Variants in RAB4A observed in about 807,000 individuals in gnomAD.
RAB4A encodes ras-related protein Rab-4A.
RAB4A carries 20 observed loss-of-function variants against 34.5 expected under a neutral mutation model. The ratio of observed to expected loss-of-function variants is 0.58; its 90% CI spans 0.41 to 0.84. The LOEUF (loss-of-function observed/expected upper bound fraction) is 0.84. Among genes scored for constraint, RAB4A ranks in the 40% least tolerant of loss-of-function variants. The pLI is 0.00. For synonymous variants in RAB4A, 102 were observed against 100.0 expected, an observed-to-expected ratio of 1.02 and a Z score of -0.12; for missense variants, 228 against 274.5, an observed-to-expected ratio of 0.83 and a Z score of 1.20.
At chr1:229,273,450 G>A (rs921345429) in intron 1 of RAB4A, among the ~76,000 whole-genome samples, 2 of 152,150 alleles carry the variant, frequency 1.3e-5, no homozygotes, top group African/African-American at 4.8e-5. Context: ...CTAATAAATA[G>A]AAAATGAGGC....
In RAB4A at chr1:229,295,776, T is replaced by C. The variant is rs1222264827; in HGVS notation, c.228-72T>C. 87 of 1,498,272 alleles carry C rather than the reference T, an allele frequency of 5.8e-5. 4 individuals carry two copies. The South Asian group carries it at 9.3e-4, about 16-fold the overall frequency. The allele number at this position is 1,498,272 out of a possible 1,614,324, so 92.8% of individuals were successfully genotyped here. A position where few individuals can be genotyped will look rare whatever the true frequency, so the allele number is the denominator to read the frequency against. ...TGGTTTACAAAGCAAGCATGGGTGT[T>C]TTTTCATGGGAAAGTGGGATACAGT... is the stretch of plus-strand genomic sequence containing the variant. On this transcript the variant is annotated intron_variant, in intron 3 of 7. Coordinates refer to ENST00000366690, the MANE Select transcript of RAB4A (RefSeq NM_004578.4).
Position 229,297,646 on chromosome 1 carries a change from CT to C in RAB4A, c.445+14del. 1.3e-6 allele frequency: 2 copies of C among 1,559,058 alleles called. No homozygotes were observed. Among genetic ancestry groups the C allele is most frequent in the Non-Finnish European group, 1.7e-6 (2 of 1,156,308 alleles). On this transcript the variant is annotated intron_variant, in intron 5 of 7. Coordinates refer to ENST00000366690, the MANE Select transcript of RAB4A (RefSeq NM_004578.4). Reference sequence around the variant, plus strand: ...TTTGCTCAAGAAAATGGCAAGTGACCTTTTACTTCTTACTATTTTTCAAATC... The same window carrying C: ...TTTGCTCAAGAAAATGGCAAGTGACCTTTACTTCTTACTATTTTTCAAATC...
At chr1:229,279,394 C>T (rs1202966419) in intron 1 of RAB4A, among the ~76,000 whole-genome samples, 2 of 152,218 alleles carry the variant, frequency 1.3e-5, no homozygotes, top group African/African-American at 4.8e-5. Context: ...ATTACGGCCA[C>T]TTTCTAGCTC....
At chr1:229,303,556 T>C (rs1398632324) in intron 7 of RAB4A, among the ~76,000 whole-genome samples, 1 of 152,182 alleles carries the variant, frequency 6.6e-6, no homozygotes, top group Non-Finnish European at 1.5e-5. Context: ...GAGGTCTAAA[T>C]GAATGTGCCT....
At chr1:229,291,048 A>C (rs1657056395) in intron 3 of RAB4A, among the ~76,000 whole-genome samples, 1 of 152,216 alleles carries the variant, frequency 6.6e-6, no homozygotes, top group Admixed American at 6.5e-5. Context: ...CCAAGAGGGA[A>C]AAAGCAGCCA....
Position 229,271,380 on chromosome 1 carries a change from C to T in RAB4A, c.31+10C>T, listed in dbSNP as rs551641598. On this transcript the variant is annotated intron_variant, in intron 1 of 7. Transcript: ENST00000366690. ...ATGTCCGAAACCTACGGTACGAGGC[C>T]CGGGCTGGCGGGGCGCGCGGGTCGG... is the stretch of plus-strand genomic sequence containing the variant. The T allele has an allele frequency of 7.9e-5, 97 of 1,233,904 alleles. No individual in the cohort carries two copies. In the African/African-American group the frequency reaches 1.4e-3, roughly 17 times the overall value. The allele number at this position is 1,233,904 out of a possible 1,614,324, so 76.4% of individuals were successfully genotyped here.
intron 6 of RAB4A, 61 bp from the exon 7 acceptor site, chr1:229,302,801 T>G: frequency 1.7e-6 from 2 of 1,186,994 alleles, no homozygotes; most frequent in Non-Finnish European, 2.4e-6. Flanking sequence ...TTTTTTAATC[T>G]ATTTTTGGAA....
At chr1:229,298,542 G>C (rs905119910) in intron 5 of RAB4A, among the ~76,000 whole-genome samples, 14 of 152,174 alleles carry the variant, frequency 9.2e-5, no homozygotes, top group Non-Finnish European at 4.4e-5. Flanking sequence ...TCTCTTCATG[G>C]GCTGTATGAC....
At chr1:229,296,620 G>A (rs1220857256) in intron 4 of RAB4A, among the ~76,000 whole-genome samples, 1 of 152,196 alleles carries the variant, frequency 6.6e-6, no homozygotes, top group Admixed American at 6.5e-5. Context: ...GCTGATCTCA[G>A]TAGCACTGTC....
chr1:229,278,626 T>C (rs545152445), intron 1 of RAB4A, among the ~76,000 whole-genome samples: 19 of 152,306 alleles, frequency 1.2e-4, no homozygotes, highest in Non-Finnish European at 2.6e-4. Flanking sequence ...TCTCTAAAGC[T>C]TCAAGTCCCC....
Position 229,305,155 on chromosome 1 carries a change from AGT to A in RAB4A, c.*1363_*1364del. 1 of 1,593,418 alleles carries A rather than the reference AGT, an allele frequency of 6.3e-7. No individual in the cohort carries two copies. Among genetic ancestry groups the A allele is most frequent in the Non-Finnish European group, 8.5e-7 (1 of 1,171,666 alleles). On this transcript the variant is annotated 3_prime_UTR_variant, in exon 8 of 8. Transcript: ENST00000366690. ...GGGAAATGACTAGGATAAAAATATC[AGT>A]ATGTATCTGTTTTAGATATTTTGAG...
intron 2 of RAB4A, among the ~76,000 whole-genome samples, chr1:229,287,087 G>A (rs968182323): frequency 2.6e-5 from 4 of 152,210 alleles, no homozygotes; most frequent in Non-Finnish European, 4.4e-5. Flanking sequence ...TTGGAAGGCT[G>A]TAGAAGACTG....
intron 3 of RAB4A, 179 bp downstream of exon 3, chr1:229,289,022 C>T: frequency 1.8e-6 from 1 of 567,978 alleles, no homozygotes; most frequent in South Asian, 2.2e-5. Flanking sequence ...GGTTAGCTCT[C>T]TGCAGCATGG....
At chr1:229,281,545 C>T (rs986137714) in intron 1 of RAB4A, among the ~76,000 whole-genome samples, 2 of 151,944 alleles carry the variant, frequency 1.3e-5, no homozygotes, top group Non-Finnish European at 2.9e-5. Flanking sequence ...TTCTTGTAGA[C>T]GGTGTATGAT....
rs1457388351 is a variant in RAB4A at position 229,305,164 on chromosome 1, CTG to C, written c.*1373_*1374del. 1 of 1,600,996 alleles carries C rather than the reference CTG, an allele frequency of 6.2e-7. No individual in the cohort carries two copies. Among genetic ancestry groups the C allele is most frequent in the African/African-American group, 1.3e-5 (1 of 74,244 alleles). ...CTAGGATAAAAATATCAGTATGTAT[CTG>C]TTTTAGATATTTTGAGTTTTGCTTT... is the stretch of plus-strand genomic sequence containing the variant. On this transcript the variant is annotated 3_prime_UTR_variant, in exon 8 of 8. Transcript: ENST00000366690.
chr1:229,303,761 A>G (rs976142666), intron 7 of RAB4A, 45 bp from the exon 8 acceptor site: 2 of 152,194 alleles, frequency 1.3e-5, no homozygotes, highest in Non-Finnish European at 2.9e-5. Context: ...TTACTTTTGC[A>G]TTTATAGTTA....
In RAB4A at chr1:229,271,306, C is replaced by T. The variant is rs1205313546; in HGVS notation, c.-34C>T. 3 of 1,331,200 alleles carry T rather than the reference C, an allele frequency of 2.3e-6. No individual in the cohort carries two copies. Among genetic ancestry groups the T allele is most frequent in the African/African-American group, 1.5e-5 (1 of 65,362 alleles). 82.5% of individuals were successfully genotyped at this position (1,331,200 alleles called of 1,614,324 possible). A position where few individuals can be genotyped will look rare whatever the true frequency, so the allele number is the denominator to read the frequency against. ...CCGGCGGACCGCGGGCGAGTGCAGCCGGTGACCCGGCGAGAGGCGGCGCCG... is the reference window on the plus strand; with the variant it reads ...CCGGCGGACCGCGGGCGAGTGCAGCTGGTGACCCGGCGAGAGGCGGCGCCG... On this transcript the variant is annotated 5_prime_UTR_variant, in exon 1 of 8. Coordinates refer to ENST00000366690, the MANE Select transcript of RAB4A (RefSeq NM_004578.4).
At chr1:229,291,848 A>C (rs1657094704) in intron 3 of RAB4A, among the ~76,000 whole-genome samples, 1 of 152,200 alleles carries the variant, frequency 6.6e-6, no homozygotes, top group African/African-American at 2.4e-5. Context: ...CTTTTGTAAG[A>C]AAATGTGGCA....
At chr1:229,288,042 C>G (rs549949569) in intron 2 of RAB4A, among the ~76,000 whole-genome samples, 1 of 152,316 alleles carries the variant, frequency 6.6e-6, no homozygotes, top group East Asian at 1.9e-4. Context: ...CCAACAAATT[C>G]ATCCCAAATC....
Sources: gnomAD v4.1 joint callset for allele counts (sites outside exome capture counted in the v4.1 genomes callset) on GRCh38, gnomAD v4.1.1 for gene constraint, MANE v1.5 for transcripts, NCBI Gene and HGNC (gene_info 2026-07-23, HGNC 2026-07-21) for gene names.